The following TOM1L2 variants were observed in gnomAD, a reference collection of about 807,000 sequenced individuals.
TOM1L2 encodes TOM1-like protein 2.
A neutral mutation model predicts 67.9 loss-of-function variants in TOM1L2; 31 were observed. The observed-to-expected ratio is 0.46, with a 90% CI of 0.34 to 0.62. TOM1L2 has a LOEUF of 0.62. TOM1L2 is among the 20% of genes least tolerant of loss of function. The pLI is 0.01. For synonymous variants in TOM1L2, 256 were observed against 254.0 expected (o/e 1.01, Z -0.07); for missense variants, 606 against 663.5 (o/e 0.91, Z 0.95).
chr17:17,879,795 C>A (rs770145206), intron 6 of TOM1L2, 52 bp from the exon 7 acceptor site: 2 of 1,393,952 alleles, frequency 1.4e-6, no homozygotes, highest in Admixed American at 1.7e-5. Flanking sequence ...AGTCAGCCTG[C>A]ACTTGCAATA....
intron 4 of TOM1L2, among the ~76,000 whole-genome samples, chr17:17,886,097 T>C (rs984304329): frequency 5.3e-5 from 8 of 152,180 alleles, no homozygotes; most frequent in African/African-American, 1.9e-4. Flanking sequence ...TTGCCAAGTC[T>C]GTCATTGTCA....
intron 1 of TOM1L2, among the ~76,000 whole-genome samples, chr17:17,923,601 G>A (rs1410659550): frequency 6.6e-6 from 1 of 151,538 alleles, no homozygotes; most frequent in African/African-American, 2.4e-5. Flanking sequence ...GAGGCAGGAG[G>A]ATCACTTGAG....
At chr17:17,936,282 T>C (rs1003156317) in intron 1 of TOM1L2, among the ~76,000 whole-genome samples, 1 of 152,208 alleles carries the variant, frequency 6.6e-6, no homozygotes, top group South Asian at 2.1e-4. Context: ...TGTTAACATT[T>C]AACACCTTCA....
Position 17,940,192 on chromosome 17 carries a change from C to CAAAAAAAAA in TOM1L2, c.52+32061_52+32069dup, listed in dbSNP as rs34433429. Among the ~76,000 whole-genome samples, 76 of 32,610 alleles carry CAAAAAAAAA rather than the reference C, an allele frequency of 2.3e-3. 3 individuals carry two copies. The highest frequency in any genetic ancestry group is 6.3e-3 in the African/African-American group (72 of 11,366). The allele number at this position is 32,610 out of a possible 152,430, so 21.4% of individuals were successfully genotyped here. A position where few individuals can be genotyped will look rare whatever the true frequency, so the allele number is the denominator to read the frequency against. The stretch of plus-strand genomic sequence containing the variant: ...TGGGCGACAGAGCAAGACTCTATCT[C>CAAAAAAAAA]AAAAAAAAAAAAAAAAAAAAAAAAA... On this transcript the variant is annotated intron_variant, in intron 1 of 14. Coordinates refer to ENST00000379504, the MANE Select transcript of TOM1L2 (RefSeq NM_001082968.2).
intron 1 of TOM1L2, among the ~76,000 whole-genome samples, chr17:17,959,957 A>C (rs2041618610): frequency 6.6e-6 from 1 of 152,216 alleles, no homozygotes; most frequent in Admixed American, 6.5e-5. Flanking sequence ...TGTAGTTCTA[A>C]GGCAAATCCA....
intron 1 of TOM1L2, among the ~76,000 whole-genome samples, chr17:17,941,939 C>T (rs73301880): frequency 0.039 from 5,967 of 152,264 alleles, 409 homozygotes; most frequent in African/African-American, 0.13. Context: ...ACCTGGACAA[C>T]ACAGCAAGAC....
intron 2 of TOM1L2, among the ~76,000 whole-genome samples, chr17:17,906,907 A>C (rs924430548): frequency 1.3e-5 from 2 of 152,264 alleles, no homozygotes; most frequent in African/African-American, 4.8e-5. Context: ...GCTGTAAAAC[A>C]AAAGAGGATT....
chr17:17,930,966 T>C (rs1306426406), intron 1 of TOM1L2, among the ~76,000 whole-genome samples: 3 of 152,334 alleles, frequency 2.0e-5, no homozygotes, highest in East Asian at 1.9e-4. Flanking sequence ...CAGTCACTCA[T>C]ATTAAGGAAT....
intron 1 of TOM1L2, among the ~76,000 whole-genome samples, chr17:17,943,029 G>A (rs898305920): frequency 6.6e-6 from 1 of 152,148 alleles, no homozygotes; most frequent in Non-Finnish European, 1.5e-5. Flanking sequence ...AGTGGGAGGG[G>A]AGGATGATTA....
chr17:17,855,789 C>G (rs186397022), intron 12 of TOM1L2, among the ~76,000 whole-genome samples: 1 of 152,144 alleles, frequency 6.6e-6, no homozygotes, highest in South Asian at 2.1e-4. Context: ...GCTGTGAATC[C>G]CTTCCTATGT....
intron 1 of TOM1L2, among the ~76,000 whole-genome samples, chr17:17,909,658 GAA>G (rs1555603443): frequency 2.0e-5 from 3 of 152,174 alleles, no homozygotes; most frequent in Non-Finnish European, 4.4e-5. Context: ...TGGGGAAAAT[GAA>G]AGAGTTCTGG....
At chr17:17,866,226 G>C (rs1429093551) in intron 10 of TOM1L2, 70 bp downstream of exon 10, 1 of 1,503,220 alleles carries the variant, frequency 6.7e-7, no homozygotes, top group Non-Finnish European at 8.9e-7. Flanking sequence ...AAGAAAGAAA[G>C]AGAGGTGGCC....
rs2041685332 is a variant in TOM1L2 at position 17,961,716 on chromosome 17, AC to A, written c.52+10545del. ...ATGAAACCCTGTCTCTACTAAAAAT[AC>A]AAAAATTAGCCGGGCGTGGTGGCAG... On this transcript the variant is annotated intron_variant, in intron 1 of 14. Coordinates refer to ENST00000379504, the MANE Select transcript of TOM1L2 (RefSeq NM_001082968.2). 5.9e-5 allele frequency among the ~76,000 whole-genome samples: 9 copies of A among 152,076 alleles called. No homozygotes were observed. In the South Asian group the frequency reaches 1.7e-3, roughly 28 times the overall value.
At chr17:17,898,851 T>C (rs944881128) in intron 2 of TOM1L2, among the ~76,000 whole-genome samples, 177 bp from the exon 3 acceptor site, 2 of 152,190 alleles carry the variant, frequency 1.3e-5, no homozygotes, top group African/African-American at 4.8e-5. Context: ...AATTAAATCA[T>C]TGACACAATG....
At chr17:17,880,426 A>T (rs2037663485) in intron 6 of TOM1L2, among the ~76,000 whole-genome samples, 1 of 152,214 alleles carries the variant, frequency 6.6e-6, no homozygotes. Context: ...CTCTCCAGCA[A>T]CAGAGACATC....
At chr17:17,893,591 C>A in intron 4 of TOM1L2, 70 bp downstream of exon 4, 1 of 1,392,388 alleles carries the variant, frequency 7.2e-7, no homozygotes, top group Non-Finnish European at 9.9e-7. Context: ...GGTGGGAGAG[C>A]ATGAGGACTC....
chr17:17,847,444 C>A lies in TOM1L2; in HGVS notation c.*191G>T. ...AGAGTCTCTGGCTGCAGTTGTCCCA[C>A]CACTCAGAGAAAAGAAGTGGCTGAA... On this transcript the variant is annotated 3_prime_UTR_variant, in exon 15 of 15. Transcript: ENST00000379504. 1.4e-6 allele frequency: 1 copy of A among 691,448 alleles called. No individual in the cohort carries two copies. 42.8% of individuals were successfully genotyped at this position (691,448 alleles called of 1,614,324 possible). A position where few individuals can be genotyped will look rare whatever the true frequency, so the allele number is the denominator to read the frequency against.
chr17:17,960,245 T>C (rs1446308130), intron 1 of TOM1L2, among the ~76,000 whole-genome samples: 1 of 152,246 alleles, frequency 6.6e-6, no homozygotes, highest in African/African-American at 2.4e-5. Context: ...TCTGGTTTAG[T>C]GGTTAAGAGC....
chr17:17,957,133 A>G (rs2041490972), intron 1 of TOM1L2, among the ~76,000 whole-genome samples: 1 of 152,142 alleles, frequency 6.6e-6, no homozygotes, highest in South Asian at 2.1e-4. Context: ...GAGTAGCACT[A>G]CCACACCCAG....
Sources: allele counts gnomAD v4.1 joint callset (sites outside exome capture counted in the v4.1 genomes callset), GRCh38; gene constraint gnomAD v4.1.1; transcripts MANE v1.5; gene names NCBI Gene and HGNC (gene_info 2026-07-23, HGNC 2026-07-21).